TMEM182: variants seen among roughly 807,000 people sequenced by gnomAD.
TMEM182 encodes transmembrane protein 182.
Under a neutral mutation model 26.8 loss-of-function variants are expected in TMEM182, and 20 were observed. The ratio of observed to expected loss-of-function variants is 0.75; its 90% CI spans 0.53 to 1.09. TMEM182 has a LOEUF of 1.09. TMEM182 is among the 50% of genes least tolerant of loss of function. The pLI, the probability that TMEM182 is intolerant of heterozygous loss-of-function variation, is 0.00. For missense variants in TMEM182, 277 were observed against 275.5 expected (o/e 1.01, Z -0.04); for synonymous variants, 109 against 102.2 (o/e 1.07, Z -0.40).
At chr2:102,825,306 ACTTTTAC>A (rs1230747656) in intron 3 of TMEM182, among the ~76,000 whole-genome samples, 8 of 152,252 alleles carry the variant, frequency 5.3e-5, no homozygotes, top group African/African-American at 7.2e-5. Flanking sequence ...GGAAGAAATA[ACTTTTAC>A]CTACAATTCT....
At chr2:102,808,647 A>G (rs1305959407) in intron 4 of TMEM182, among the ~76,000 whole-genome samples, 1 of 152,234 alleles carries the variant, frequency 6.6e-6, no homozygotes, top group Non-Finnish European at 1.5e-5. Context: ...GTATATTCCC[A>G]GTAGTTTCAT....
At chr2:102,762,734 T>C (rs756965995) in intron 2 of TMEM182, 48 bp downstream of exon 2, 1 of 1,520,286 alleles carries the variant, frequency 6.6e-7, no homozygotes, top group South Asian at 1.1e-5. Flanking sequence ...AAAATAAAAA[T>C]GAACAGTTTC....
At chr2:102,807,778 A>G (rs1335050076) in intron 4 of TMEM182, among the ~76,000 whole-genome samples, 2 of 152,222 alleles carry the variant, frequency 1.3e-5, no homozygotes, top group Non-Finnish European at 2.9e-5. Context: ...AGAGGACTTC[A>G]CTGAAGTAGA....
intron 3 of TMEM182, among the ~76,000 whole-genome samples, chr2:102,773,062 A>G (rs1227560794): frequency 2.0e-5 from 3 of 152,158 alleles, no homozygotes; most frequent in Non-Finnish European, 4.4e-5. Flanking sequence ...AGTACATGGT[A>G]GTTAATATTA....
chr2:102,782,240 C>G (rs947148202), intron 3 of TMEM182, among the ~76,000 whole-genome samples: 3 of 152,028 alleles, frequency 2.0e-5, no homozygotes, highest in Non-Finnish European at 4.4e-5. Flanking sequence ...GCAGGAGAAT[C>G]ACTTGAACCT....
At chr2:102,827,948 G>A (rs1445230487) in intron 3 of TMEM182, among the ~76,000 whole-genome samples, 4 of 152,188 alleles carry the variant, frequency 2.6e-5, no homozygotes, top group South Asian at 2.1e-4. Context: ...AGAATTTGCC[G>A]GGTGTGATTG....
intron 1 of TMEM182, among the ~76,000 whole-genome samples, chr2:102,738,391 G>A (rs957927608): frequency 2.0e-5 from 3 of 152,118 alleles, no homozygotes; most frequent in Non-Finnish European, 4.4e-5. Flanking sequence ...TCAAGAGATC[G>A]AGACTATCCT....
intron 3 of TMEM182, among the ~76,000 whole-genome samples, chr2:102,768,321 C>G (rs1370139247): frequency 6.6e-6 from 1 of 152,082 alleles, no homozygotes; most frequent in Non-Finnish European, 1.5e-5. Flanking sequence ...GGTATTAATA[C>G]TGATGCCCTA....
At chr2:102,796,201 C>A (rs1231603046) in intron 3 of TMEM182, among the ~76,000 whole-genome samples, 4 of 152,180 alleles carry the variant, frequency 2.6e-5, no homozygotes, top group Non-Finnish European at 4.4e-5. Flanking sequence ...TGCCTTCAGG[C>A]CAAATCCATG....
At chr2:102,819,535 G>A (rs1398776458), downstream of TMEM182, among the ~76,000 whole-genome samples, 1 of 152,056 alleles carries the variant, frequency 6.6e-6, no homozygotes, top group Non-Finnish European at 1.5e-5. Context: ...TGGTATGCAT[G>A]TATATGTATA....
intron 1 of TMEM182, among the ~76,000 whole-genome samples, chr2:102,752,431 A>C (rs760666006): frequency 4.6e-5 from 7 of 152,230 alleles, no homozygotes; most frequent in Non-Finnish European, 7.3e-5. Flanking sequence ...AGCAGAATTT[A>C]AAGGACCTGG....
intron 3 of TMEM182, among the ~76,000 whole-genome samples, chr2:102,774,940 T>G (rs1251955714): frequency 6.6e-6 from 1 of 152,244 alleles, no homozygotes; most frequent in East Asian, 1.9e-4. Context: ...TTAGTCTAGA[T>G]TATTTGTTTA....
At chr2:102,828,842 A>G (rs1683094455) in intron 3 of TMEM182, among the ~76,000 whole-genome samples, 1 of 152,200 alleles carries the variant, frequency 6.6e-6, no homozygotes, top group East Asian at 1.9e-4. Context: ...CAACTGGAAA[A>G]TGAAAAATGA....
At chr2:102,746,247 T>TA (rs1466140817) in intron 1 of TMEM182, among the ~76,000 whole-genome samples, 1 of 152,162 alleles carries the variant, frequency 6.6e-6, no homozygotes, top group Non-Finnish European at 1.5e-5. Flanking sequence ...TTGGGAGAAA[T>TA]ACCAGTGTAG....
At chr2:102,742,110 C>T (rs982500556) in intron 1 of TMEM182, among the ~76,000 whole-genome samples, 1 of 152,078 alleles carries the variant, frequency 6.6e-6, no homozygotes, top group Admixed American at 6.5e-5. Flanking sequence ...ATAACTATGC[C>T]TATTATGTTA....
chr2:102,742,671 G>A (rs1379878671), intron 1 of TMEM182, among the ~76,000 whole-genome samples: 1 of 152,096 alleles, frequency 6.6e-6, no homozygotes. Flanking sequence ...CTTGAAATAA[G>A]CCAGAGAATA....
chr2:102,753,872 A>C (rs1679957090), intron 1 of TMEM182, among the ~76,000 whole-genome samples: 1 of 152,196 alleles, frequency 6.6e-6, no homozygotes, highest in South Asian at 2.1e-4. Flanking sequence ...ACAAAAACCG[A>C]ACCACTTATT....
intron 3 of TMEM182, among the ~76,000 whole-genome samples, chr2:102,782,523 A>G (rs927003390): frequency 6.6e-6 from 1 of 152,142 alleles, no homozygotes; most frequent in South Asian, 2.1e-4. Context: ...TTTACTTTTT[A>G]TATATTGCCC....
chr2:102,815,415 A>G lies in TMEM182; in HGVS notation c.*447A>G, dbSNP rs1349897637. The G allele has an allele frequency of 1.0e-6, 1 of 996,628 alleles. No individual in the cohort carries two copies. Among genetic ancestry groups the G allele is most frequent in the Non-Finnish European group, 1.2e-6 (1 of 837,504 alleles). The allele number at this position is 996,628 out of a possible 1,614,324, so 61.7% of individuals were successfully genotyped here. ...TTTATTTTGTTTCTTGCCCACACAG[A>G]TAATATCCACATACACATTCACTGG... On this transcript the variant is annotated 3_prime_UTR_variant, in exon 5 of 5. Transcript: ENST00000412401.
Sources: gnomAD v4.1 joint callset for allele counts (sites outside exome capture counted in the v4.1 genomes callset) on GRCh38, gnomAD v4.1.1 for gene constraint, MANE v1.5 for transcripts, NCBI Gene and HGNC (gene_info 2026-07-23, HGNC 2026-07-21) for gene names.